The following ADAM10 variants were observed in gnomAD, a reference collection of about 807,000 sequenced individuals.
ADAM10 encodes the protein ADAM metallopeptidase domain 10.
Under a neutral mutation model 90.1 loss-of-function variants are expected in ADAM10, and 17 were observed. That is an observed-to-expected ratio of 0.19 (90% confidence interval 0.13 to 0.28). The LOEUF (loss-of-function observed/expected upper bound fraction) is 0.28. Among genes scored for constraint, ADAM10 ranks in the 10% least tolerant of loss-of-function variants. ADAM10 has a pLI of 1.00. For synonymous variants in ADAM10, 310 were observed against 298.6 expected (o/e 1.04, Z -0.40); for missense variants, 610 against 914.3 (o/e 0.67, Z 4.29).
At chr15:58,643,158 A>T (rs1309145372) in intron 7 of ADAM10, among the ~76,000 whole-genome samples, 2 of 151,968 alleles carry the variant, frequency 1.3e-5, no homozygotes, top group Non-Finnish European at 2.9e-5. Context: ...AAATCTTTTG[A>T]AAAAATAGCC....
chr15:58,715,450 T>C (rs1443638519), intron 2 of ADAM10, among the ~76,000 whole-genome samples: 1 of 151,714 alleles, frequency 6.6e-6, no homozygotes, highest in African/African-American at 2.4e-5. Context: ...ATGACCTGTA[T>C]AAATGAGACC....
chr15:58,613,624 C>T (rs1895514869), intron 11 of ADAM10, among the ~76,000 whole-genome samples: 1 of 151,728 alleles, frequency 6.6e-6, no homozygotes, highest in African/African-American at 2.4e-5. Context: ...AAACAAAAAT[C>T]CTGTGGCTTA....
Position 58,633,269 on chromosome 15 carries a change from T to C in ADAM10, c.1103A>G (p.Tyr368Cys). ...GACTTTGGGAGGTACATGAGACCCA[T>C]AGTTCTGAACAGTAATAATTCCAGT... is the stretch of plus-strand genomic sequence containing the variant. ...LNTGIITVQNYGSHVPPKVSH... is the reference protein window; with the variant it reads ...LNTGIITVQNCGSHVPPKVSH... Residue 368 changes from tyrosine (Y) to cysteine (C), a missense_variant, in exon 9 of 16, where the codon TAT becomes TGT. Around this residue, in one of 4 missense-constraint regions of ADAM10, gnomAD observed 97 missense variants for 221.4 expected, o/e 0.44. Coordinates refer to ENST00000260408, the MANE Select transcript of ADAM10 (RefSeq NM_001110.4). 6.2e-7 allele frequency: 1 copy of C among 1,613,290 alleles called. No individual in the cohort carries two copies.
chr15:58,748,873 T>C (rs1456263227), intron 1 of ADAM10: 2 of 399,070 alleles, frequency 5.0e-6, no homozygotes, highest in Admixed American at 4.4e-5. Flanking sequence ...TGATGACTGC[T>C]GCCACTCCAC....
intron 8 of ADAM10, among the ~76,000 whole-genome samples, chr15:58,633,591 A>T (rs1365787712): frequency 1.3e-5 from 2 of 152,202 alleles, no homozygotes; most frequent in Non-Finnish European, 2.9e-5. Flanking sequence ...CACAGCCTTT[A>T]CAAAATGTTC....
chr15:58,598,252 A>G (rs997107227), intron 15 of ADAM10, among the ~76,000 whole-genome samples: 1 of 152,242 alleles, frequency 6.6e-6, no homozygotes, highest in Non-Finnish European at 1.5e-5. Flanking sequence ...TAAAGGTGCT[A>G]TTCACTTAAA....
intron 6 of ADAM10, 33 bp from the exon 7 acceptor site, chr15:58,644,011 A>C: frequency 1.4e-6 from 2 of 1,426,804 alleles, no homozygotes; most frequent in Non-Finnish European, 2.0e-6. Context: ...TTTTAGAGGC[A>C]ATGTTGAAAT....
chr15:58,695,624 T>C (rs1384190905), intron 2 of ADAM10, among the ~76,000 whole-genome samples: 5 of 151,762 alleles, frequency 3.3e-5, no homozygotes, highest in South Asian at 2.1e-4. Context: ...GGGCAAAAGC[T>C]ACAAAAAGAT....
intron 10 of ADAM10, among the ~76,000 whole-genome samples, chr15:58,625,860 A>G (rs1413234391): frequency 1.3e-5 from 2 of 152,258 alleles, no homozygotes; most frequent in African/African-American, 4.8e-5. Flanking sequence ...AATAATTTAG[A>G]TGAATCCCCA....
At chr15:58,749,426 G>C in intron 1 of ADAM10, 54 bp downstream of exon 1, 8 of 1,491,870 alleles carry the variant, frequency 5.4e-6, no homozygotes, top group Non-Finnish European at 6.3e-6. Flanking sequence ...CGCTCGGCCC[G>C]GCCGCCGCTC....
rs1388355158 is a variant in ADAM10 at position 58,592,102 on chromosome 15, G to A, written c.*5445C>T. The A allele has an allele frequency of 6.6e-6, 1 of 152,182 alleles. No homozygotes were observed. Among genetic ancestry groups the A allele is most frequent in the Admixed American group, 6.5e-5 (1 of 15,278 alleles). The allele number at this position is 152,182 out of a possible 1,614,324, so 9.4% of individuals were successfully genotyped here. On this transcript the variant is annotated 3_prime_UTR_variant, in exon 16 of 16. Coordinates refer to ENST00000260408, the MANE Select transcript of ADAM10 (RefSeq NM_001110.4). ...TGTCCCCTGTATTTCTAATGAAGGG[G>A]TAGTTAGATCAGGAGGCTTCATCAT... is the stretch of plus-strand genomic sequence containing the variant.
At chr15:58,648,627 T>C (rs1896611526) in intron 5 of ADAM10, among the ~76,000 whole-genome samples, 1 of 152,186 alleles carries the variant, frequency 6.6e-6, no homozygotes, top group Non-Finnish European at 1.5e-5. Flanking sequence ...GTTTATTATA[T>C]CAAGTAGTTC....
chr15:58,683,632 C>G (rs1461356014), intron 2 of ADAM10, among the ~76,000 whole-genome samples: 2 of 151,946 alleles, frequency 1.3e-5, no homozygotes, highest in Non-Finnish European at 2.9e-5. Context: ...GAGGCTGAGG[C>G]AGGTGGATCA....
intron 14 of ADAM10, among the ~76,000 whole-genome samples, chr15:58,607,214 G>T: frequency 6.6e-6 from 1 of 152,228 alleles, no homozygotes; most frequent in East Asian, 1.9e-4. Context: ...GAATTAACTG[G>T]AGAGTTTTAA....
chr15:58,652,434 G>A (rs1896712529), intron 5 of ADAM10, among the ~76,000 whole-genome samples: 1 of 152,110 alleles, frequency 6.6e-6, no homozygotes, highest in Admixed American at 6.5e-5. Context: ...GAGAAATAGA[G>A]GTCTAGTTTC....
intron 2 of ADAM10, among the ~76,000 whole-genome samples, chr15:58,707,088 G>A (rs1177344326): frequency 1.9e-5 from 1 of 52,758 alleles, no homozygotes; most frequent in Admixed American, 2.0e-4. Context: ...CTTTGGGGGG[G>A]GGAAAAAAGC....
intron 2 of ADAM10, among the ~76,000 whole-genome samples, chr15:58,696,741 A>C (rs1259803897): frequency 6.6e-6 from 1 of 152,094 alleles, no homozygotes; most frequent in Non-Finnish European, 1.5e-5. Flanking sequence ...CTGGGATTAC[A>C]TGTGTGAGCC....
At chr15:58,659,219 G>A (rs1376671516) in intron 5 of ADAM10, among the ~76,000 whole-genome samples, 3 of 150,538 alleles carry the variant, frequency 2.0e-5, no homozygotes, top group African/African-American at 7.4e-5. Context: ...GTTGCAGTGG[G>A]CCGAGATCAC....
At chr15:58,708,071 G>A (rs894871800) in intron 2 of ADAM10, among the ~76,000 whole-genome samples, 4 of 151,374 alleles carry the variant, frequency 2.6e-5, no homozygotes, top group African/African-American at 9.7e-5. Context: ...AGCGAGACTC[G>A]GTCTCAAAAA....
Sources: gnomAD v4.1 joint callset for allele counts (sites outside exome capture counted in the v4.1 genomes callset) on GRCh38, gnomAD v4.1.1 for gene constraint, gnomAD v4.1.1 regional missense constraint, MANE v1.5 for transcripts, NCBI Gene and HGNC (gene_info 2026-07-23, HGNC 2026-07-21) for gene names.